Variants in CAMSAP1 observed in about 807,000 individuals in gnomAD.
CAMSAP1 encodes calmodulin-regulated spectrin-associated protein 1.
In CAMSAP1, 58 loss-of-function variants were observed where a neutral mutation model predicts 143.5. That is an observed-to-expected ratio of 0.40 (90% CI 0.33 to 0.50). The LOEUF is 0.50. Among genes scored for constraint, CAMSAP1 ranks in the 20% least tolerant of loss-of-function variants. CAMSAP1 has a pLI of 0.45. For synonymous variants in CAMSAP1, 945 were observed against 859.3 expected, an observed-to-expected ratio of 1.10 and a Z score of -1.74; for missense variants, 1,969 against 2,115.7, an observed-to-expected ratio of 0.93 and a Z score of 1.36.
intron 3 of CAMSAP1, among the ~76,000 whole-genome samples, chr9:135,872,319 T>G (rs2130958573): frequency 6.6e-6 from 1 of 152,330 alleles, no homozygotes; most frequent in African/African-American, 2.4e-5. Flanking sequence ...ATGCATCTTC[T>G]GCTATTTGTG....
At position 135,826,628 on chromosome 9, in the gene CAMSAP1, T is replaced by C. The variant is rs1458136918; in HGVS notation, c.1223+779A>G. Among the ~76,000 whole-genome samples, 2 of 152,256 alleles carry C rather than the reference T, an allele frequency of 1.3e-5. No homozygotes were observed. The highest frequency in any genetic ancestry group is 2.9e-5 in the Non-Finnish European group (2 of 68,048). ...GCTGTCTCACTGAACCATTCACTTATGTGAATTATTTAAAACCACTTTTAA... is the reference window on the plus strand; with the variant it reads ...GCTGTCTCACTGAACCATTCACTTACGTGAATTATTTAAAACCACTTTTAA... On this transcript the variant is annotated intron_variant, in intron 8 of 16. Transcript: ENST00000389532. The surrounding 1 kb of genome is among the most constrained non-coding windows in gnomAD (Gnocchi z 4.4).
At position 135,903,824 on chromosome 9, in the gene CAMSAP1, AAAG is replaced by A. The variant is rs368623398; in HGVS notation, c.160+3173_160+3175del. Among the ~76,000 whole-genome samples, 356 of 152,336 alleles carry A rather than the reference AAAG, an allele frequency of 2.3e-3. 1 individual carries two copies. Among genetic ancestry groups the A allele is most frequent in the African/African-American group, 8.4e-3 (349 of 41,564 alleles). On this transcript the variant is annotated intron_variant, in intron 1 of 16. Transcript: ENST00000389532. Reference sequence around the variant, plus strand: ...CTGGAGAGGTACATGGAGACATTCAAAAGAAGAAACAAAGCAAATGCTGCTGGA... The same window carrying A: ...CTGGAGAGGTACATGGAGACATTCAAAAGAAACAAAGCAAATGCTGCTGGA...
intron 3 of CAMSAP1, among the ~76,000 whole-genome samples, chr9:135,868,183 G>A (rs1170316648): frequency 6.7e-6 from 1 of 149,674 alleles, no homozygotes; most frequent in Non-Finnish European, 1.5e-5. Flanking sequence ...AAAAAAAAAT[G>A]CTAAAAGAAG....
At chr9:135,867,759 T>G (rs1837430207) in intron 3 of CAMSAP1, among the ~76,000 whole-genome samples, 1 of 152,168 alleles carries the variant, frequency 6.6e-6, no homozygotes, top group South Asian at 2.1e-4. Flanking sequence ...ACAGAAAAGA[T>G]AATTTAAAAG....
chr9:135,818,195 C>T lies in CAMSAP1; in HGVS notation c.4169-116G>A, dbSNP rs568130224. 51 of 1,211,052 alleles carry T rather than the reference C, an allele frequency of 4.2e-5. No homozygotes were observed. Among genetic ancestry groups the T allele is most frequent in the Non-Finnish European group, 2.3e-6 (2 of 861,424 alleles). The allele number at this position is 1,211,052 out of a possible 1,614,324, so 75.0% of individuals were successfully genotyped here. On this transcript the variant is annotated intron_variant, in intron 13 of 16. Transcript: ENST00000389532. The surrounding 1 kb of genome is among the most constrained non-coding windows in gnomAD (Gnocchi z 7.7). ...CAGAGCTCGGCCACACAGGCCGCGT[C>T]CCCACCCCATCCCGGGGAGCCGGGC...
intron 1 of CAMSAP1, among the ~76,000 whole-genome samples, chr9:135,885,957 T>C (rs973097964): frequency 2.6e-5 from 4 of 152,168 alleles, no homozygotes; most frequent in Admixed American, 6.5e-5. Flanking sequence ...CCTCAGACAC[T>C]GCACTTGTCC....
In CAMSAP1 at chr9:135,879,032, G is replaced by C. The variant is rs531398472; in HGVS notation, c.585+2601C>G. 5.9e-5 allele frequency among the ~76,000 whole-genome samples: 9 copies of C among 152,274 alleles called. No homozygotes were observed. In the South Asian group the frequency reaches 1.4e-3, roughly 25 times the overall value. On this transcript the variant is annotated intron_variant, in intron 3 of 16. Transcript: ENST00000389532. ...TGTGAAAATGGGCGCCTGACCACAGGAACATCAAGTCTGACTGTGAACGTG... is the reference window on the plus strand; with the variant it reads ...TGTGAAAATGGGCGCCTGACCACAGCAACATCAAGTCTGACTGTGAACGTG...
Position 135,822,677 on chromosome 9 carries a change from T to C in CAMSAP1, c.1984A>G (p.Ile662Val). Residue 662 changes from isoleucine to valine, a missense_variant, in exon 11 of 17, where the codon ATC becomes GTC. By Grantham distance (29) the Ile-to-Val change is conservative. Around this residue, in one of 4 missense-constraint regions of CAMSAP1, gnomAD observed 1,390 missense variants for 1,420.8 expected, o/e 0.98. Transcript: ENST00000389532. The surrounding 1 kb of genome is among the most constrained non-coding windows in gnomAD (Gnocchi z 6.1). The stretch of plus-strand genomic sequence containing the variant: ...AGTGGTCCTGTCTCGGTGGGGTCGA[T>C]GCCCATGGGGAATTCTGAGCATGGA... ...PIPCSEFPMGIDPTETGPLSV... is the reference protein window; with the variant it reads ...PIPCSEFPMGVDPTETGPLSV... 1.9e-6 allele frequency: 3 copies of C among 1,607,644 alleles called. No individual in the cohort carries two copies. The highest frequency in any genetic ancestry group is 2.6e-6 in the Non-Finnish European group (3 of 1,176,284).
intron 7 of CAMSAP1, among the ~76,000 whole-genome samples, chr9:135,830,179 C>G (rs942202550): frequency 3.3e-5 from 5 of 152,138 alleles, no homozygotes; most frequent in African/African-American, 1.2e-4. Context: ...TTAGACAAAA[C>G]AGTTAACAAA....
At chr9:135,828,742 T>C (rs1332485773) in intron 7 of CAMSAP1, among the ~76,000 whole-genome samples, 2 of 152,218 alleles carry the variant, frequency 1.3e-5, no homozygotes, top group East Asian at 1.9e-4. Flanking sequence ...AGATGACATG[T>C]GCTCCCCCAG....
At position 135,826,309 on chromosome 9, in the gene CAMSAP1, T is replaced by C. The variant is rs1481986461; in HGVS notation, c.1223+1098A>G. The C allele has an allele frequency of 6.6e-6, 1 of 152,190 alleles. No homozygotes were observed. The highest frequency in any genetic ancestry group is 2.4e-5 in the African/African-American group (1 of 41,402). The allele number at this position is 152,190 out of a possible 1,614,324, so 9.4% of individuals were successfully genotyped here. On this transcript the variant is annotated intron_variant, in intron 8 of 16. Transcript: ENST00000389532. This position sits in a 1 kb window ranked among gnomAD's most constrained non-coding sequence, Gnocchi z 4.4. The stretch of plus-strand genomic sequence containing the variant: ...ACGGCTCAGCCTCGAGCCATTCTCC[T>C]CACTCAGTGACCCCGCCTGTGCCCG...
chr9:135,871,215 G>T (rs1837560539), intron 3 of CAMSAP1, among the ~76,000 whole-genome samples: 2 of 152,150 alleles, frequency 1.3e-5, no homozygotes, highest in African/African-American at 4.8e-5. Flanking sequence ...TTGAGATGGG[G>T]TCTCACCCTG....
intron 7 of CAMSAP1, among the ~76,000 whole-genome samples, chr9:135,834,368 G>A (rs575480548): frequency 6.6e-6 from 1 of 152,166 alleles, no homozygotes; most frequent in Non-Finnish European, 1.5e-5. Flanking sequence ...GTTTACTGCG[G>A]CACATTTCAT....
chr9:135,808,965 C>G lies in CAMSAP1; in HGVS notation c.*2344G>C, dbSNP rs1834942842. ...AAATAACAAGGTTAGAATTCTGAGACACAACGAAAGTTGTGCAAGCTTTCC... is the reference window on the plus strand; with the variant it reads ...AAATAACAAGGTTAGAATTCTGAGAGACAACGAAAGTTGTGCAAGCTTTCC... On this transcript the variant is annotated 3_prime_UTR_variant, in exon 17 of 17. Coordinates refer to ENST00000389532, the MANE Select transcript of CAMSAP1 (RefSeq NM_015447.4). The G allele has an allele frequency of 6.6e-6, 1 of 152,148 alleles. No homozygotes were observed. Among genetic ancestry groups the G allele is most frequent in the Admixed American group, 6.5e-5 (1 of 15,274 alleles). 9.4% of individuals were successfully genotyped at this position (152,148 alleles called of 1,614,324 possible).
intron 4 of CAMSAP1, chr9:135,865,227 C>T (rs2130940262): frequency 1.8e-6 from 2 of 1,142,190 alleles, no homozygotes; most frequent in Non-Finnish European, 2.6e-6. Context: ...ATTTAAACAA[C>T]AACAACAAAA....
Position 135,907,091 on chromosome 9 carries a change from G to C in CAMSAP1, c.69C>G (p.Ala23=). ...WRKMEAPPDG[A]ADLVPLDRYD... is the part of the protein sequence containing the mutation. ...AGCGGTCCAGGGGCACGAGGTCGGC[G>C]GCGCCGTCCGGCGGGGCCTCCATCT... The change falls in exon 1 of 17, where the codon GCC becomes GCG. Residue 23 remains alanine, a synonymous_variant. Coordinates refer to ENST00000389532, the MANE Select transcript of CAMSAP1 (RefSeq NM_015447.4). 8.7e-7 allele frequency: 1 copy of C among 1,147,540 alleles called. No homozygotes were observed. Among genetic ancestry groups the C allele is most frequent in the Non-Finnish European group, 1.1e-6 (1 of 930,334 alleles). 71.1% of individuals were successfully genotyped at this position (1,147,540 alleles called of 1,614,324 possible).
chr9:135,871,664 C>T (rs181401144), intron 3 of CAMSAP1, among the ~76,000 whole-genome samples: 32 of 152,168 alleles, frequency 2.1e-4, no homozygotes, highest in Non-Finnish European at 2.9e-5. Context: ...CACACTGGCT[C>T]ACACCTGTAA....
In CAMSAP1 at chr9:135,821,131, T is replaced by C. The variant is rs1157580878; in HGVS notation, c.3530A>G (p.Gln1177Arg). The change falls in exon 11 of 17, where the codon CAG becomes CGG. Residue 1177 changes from glutamine (Q) to arginine (R), a missense_variant. Around this residue, in one of 4 missense-constraint regions of CAMSAP1, gnomAD observed 1,390 missense variants for 1,420.8 expected, o/e 0.98. Transcript: ENST00000389532. This position sits in a 1 kb window ranked among gnomAD's most constrained non-coding sequence, Gnocchi z 4.6. ...DSYRLHDESN[Q>R]RTLTLSSSKD... is the part of the protein sequence containing the mutation. ...GGAAGAGGACAGAGTAAGTGTCCGCTGATTGCTTTCATCATGGAGCCTGTA... is the reference window on the plus strand; with the variant it reads ...GGAAGAGGACAGAGTAAGTGTCCGCCGATTGCTTTCATCATGGAGCCTGTA... 6.2e-7 allele frequency: 1 copy of C among 1,613,200 alleles called. No homozygotes were observed. The highest frequency in any genetic ancestry group is 2.2e-5 in the East Asian group (1 of 44,902).
intron 4 of CAMSAP1, among the ~76,000 whole-genome samples, chr9:135,862,958 C>T (rs1229037509): frequency 3.9e-5 from 6 of 152,148 alleles, no homozygotes; most frequent in African/African-American, 1.4e-4. Flanking sequence ...CGAAAGCCGA[C>T]GTACTAGACA....
Sources: allele counts gnomAD v4.1 joint callset (sites outside exome capture counted in the v4.1 genomes callset), GRCh38; gene constraint gnomAD v4.1.1; regional missense constraint gnomAD v4.1.1; non-coding constraint Gnocchi (gnomAD v3.1); transcripts MANE v1.5; gene names NCBI Gene and HGNC (gene_info 2026-07-23, HGNC 2026-07-21).